Variants in CSRP3 observed in about 807,000 individuals in gnomAD.
CSRP3 encodes the protein cysteine and glycine-rich protein 3.
CSRP3 carries 24 observed loss-of-function variants against 24.3 expected under a neutral mutation model. The observed-to-expected ratio is 0.99, with a 90% confidence interval of 0.71 to 1.39. The LOEUF (loss-of-function observed/expected upper bound fraction) is 1.39, where lower values mean the gene tolerates loss of function less well. CSRP3 is among the 40% of genes most tolerant of loss of function. The pLI is 0.00. For synonymous variants in CSRP3, 105 were observed against 94.0 expected (o/e 1.12, Z -0.68); for missense variants, 240 against 249.0 (o/e 0.96, Z 0.24).
chr11:19,189,308 T>C (rs1415205867), intron 2 of CSRP3, among the ~76,000 whole-genome samples: 1 of 152,170 alleles, frequency 6.6e-6, no homozygotes, highest in Non-Finnish European at 1.5e-5. Flanking sequence ...AGAAATTGCA[T>C]CTCAACAAGA....
At chr11:19,188,690 G>A (rs977353447) in intron 2 of CSRP3, among the ~76,000 whole-genome samples, 2 of 151,590 alleles carry the variant, frequency 1.3e-5, no homozygotes, top group African/African-American at 2.4e-5. Flanking sequence ...GGTTAAGGCA[G>A]GAGAGAAACT....
chr11:19,185,448 G>A (rs9888186), intron 4 of CSRP3, among the ~76,000 whole-genome samples: 15,143 of 152,284 alleles, frequency 0.099, 829 homozygotes, highest in Middle Eastern at 0.13. Flanking sequence ...ATTCAACCTT[G>A]TTTTAACTCT....
chr11:19,185,800 T>A (rs1037134438), intron 4 of CSRP3, among the ~76,000 whole-genome samples: 16 of 152,176 alleles, frequency 1.1e-4, no homozygotes, highest in African/African-American at 3.4e-4. Flanking sequence ...AGGAAGTTCG[T>A]AAGTGAGGAT....
chr11:19,199,140 G>A (rs760084799), intron 1 of CSRP3, among the ~76,000 whole-genome samples: 2 of 151,940 alleles, frequency 1.3e-5, no homozygotes, highest in Non-Finnish European at 2.9e-5. Context: ...GGTGAGAGTC[G>A]GTCCCCTTGC....
In CSRP3 at chr11:19,197,512, T is replaced by C. The variant is rs956226521; in HGVS notation, c.-29+4442A>G. 2.9e-3 allele frequency among the ~76,000 whole-genome samples: 300 copies of C among 102,720 alleles called. 3 individuals are homozygous for C. Among genetic ancestry groups the C allele is most frequent in the African/African-American group, 6.5e-3 (157 of 23,990 alleles). 67.4% of individuals were successfully genotyped at this position (102,720 alleles called of 152,430 possible). Reference sequence around the variant, plus strand: ...CTCTCCCTCTTTTCCTCTTTCTTTCTTTCTTTCTTTCTTTCTTTCTTTCTT... The same window carrying C: ...CTCTCCCTCTTTTCCTCTTTCTTTCCTTCTTTCTTTCTTTCTTTCTTTCTT... On this transcript the variant is annotated intron_variant, in intron 1 of 5. Coordinates refer to ENST00000265968, the MANE Select transcript of CSRP3 (RefSeq NM_003476.5).
At chr11:19,196,210 C>T (rs1272367752) in intron 1 of CSRP3, among the ~76,000 whole-genome samples, 2 of 152,172 alleles carry the variant, frequency 1.3e-5, no homozygotes, top group Non-Finnish European at 2.9e-5. Context: ...TTGCAGTGAG[C>T]TGAGATTGCG....
intron 3 of CSRP3, among the ~76,000 whole-genome samples, chr11:19,186,994 C>T (rs923232011): frequency 6.6e-6 from 1 of 152,176 alleles, no homozygotes; most frequent in Non-Finnish European, 1.5e-5. Context: ...ATAAGGTAGG[C>T]AGGGCTGGTT....
chr11:19,197,946 G>T (rs756993590), intron 1 of CSRP3, among the ~76,000 whole-genome samples: 4 of 152,056 alleles, frequency 2.6e-5, no homozygotes, highest in Non-Finnish European at 5.9e-5. Flanking sequence ...ACCCTTCAAG[G>T]TAGGTGCTAT....
intron 3 of CSRP3, among the ~76,000 whole-genome samples, chr11:19,186,960 T>C (rs112773634): frequency 2.6e-5 from 4 of 152,322 alleles, no homozygotes; most frequent in African/African-American, 9.6e-5. Flanking sequence ...GTATATTATA[T>C]CACTTGAGCT....
In CSRP3 at chr11:19,188,114, G is replaced by A. The variant is rs1850556085; in HGVS notation, c.281+22C>T. 6 of 1,614,102 alleles carry A rather than the reference G, an allele frequency of 3.7e-6. No individual in the cohort carries two copies. In the East Asian group the frequency reaches 6.7e-5, roughly 18 times the overall value. On this transcript the variant is annotated intron_variant, in intron 3 of 5. Transcript: ENST00000265968. ...ATAATTGGAGACTTTAACAGGCAAG[G>A]GGGAGCAGGGCAGTAACTCACTGTT...
Position 19,182,617 on chromosome 11 carries a change from T to C in CSRP3, c.*53A>G. Reference sequence around the variant, plus strand: ...GGGAAAGGTATCGATCTGTGCAGGATTACTTGGCAAGTGTTTTAGGCTCGC... The same window carrying C: ...GGGAAAGGTATCGATCTGTGCAGGACTACTTGGCAAGTGTTTTAGGCTCGC... On this transcript the variant is annotated 3_prime_UTR_variant, in exon 6 of 6. Coordinates refer to ENST00000265968, the MANE Select transcript of CSRP3 (RefSeq NM_003476.5). 2 of 1,392,376 alleles carry C rather than the reference T, an allele frequency of 1.4e-6. No individual in the cohort carries two copies. The highest frequency in any genetic ancestry group is 2.0e-6 in the Non-Finnish European group (2 of 977,284). 86.3% of individuals were successfully genotyped at this position (1,392,376 alleles called of 1,614,324 possible).
intron 1 of CSRP3, among the ~76,000 whole-genome samples, chr11:19,194,302 T>C (rs766876155): frequency 1.3e-5 from 2 of 152,216 alleles, no homozygotes; most frequent in Non-Finnish European, 2.9e-5. Context: ...ACTGTGAGGT[T>C]AGCCAGGAAC....
intron 2 of CSRP3, 147 bp downstream of exon 2, chr11:19,192,190 T>C (rs2133516055): frequency 1.4e-6 from 1 of 706,330 alleles, no homozygotes; most frequent in East Asian, 2.7e-5. Context: ...AAGAGTTAAA[T>C]TTCTAACCAG....
intron 5 of CSRP3, among the ~76,000 whole-genome samples, chr11:19,184,611 T>C (rs1273026400): frequency 6.6e-6 from 1 of 152,120 alleles, no homozygotes; most frequent in Non-Finnish European, 1.5e-5. Flanking sequence ...GGGGGTGTGG[T>C]GTTAGTTGTC....
At chr11:19,200,285 G>A (rs1850814651) in intron 1 of CSRP3, among the ~76,000 whole-genome samples, 1 of 152,194 alleles carries the variant, frequency 6.6e-6, no homozygotes, top group Admixed American at 6.5e-5. Flanking sequence ...TAAGTTAAGT[G>A]ATATTCAGAG....
intron 4 of CSRP3, among the ~76,000 whole-genome samples, chr11:19,185,322 T>C (rs910720532): frequency 9.2e-5 from 14 of 152,178 alleles, no homozygotes; most frequent in Non-Finnish European, 1.8e-4. Flanking sequence ...GCCAAAAAGA[T>C]CCAAGGAACA....
chr11:19,196,030 C>G (rs186568650), intron 1 of CSRP3, among the ~76,000 whole-genome samples: 1 of 152,126 alleles, frequency 6.6e-6, no homozygotes, highest in Admixed American at 6.5e-5. Flanking sequence ...GGACTGAGGC[C>G]GAGGCGAATG....
chr11:19,192,295 G>C (rs1467676597), intron 2 of CSRP3, 42 bp downstream of exon 2: 3 of 1,329,446 alleles, frequency 2.3e-6, no homozygotes, highest in Admixed American at 3.4e-5. Flanking sequence ...TTGTGATGCT[G>C]TCCGGATGCT....
intron 3 of CSRP3, among the ~76,000 whole-genome samples, chr11:19,186,659 T>G (rs1850531512): frequency 6.6e-6 from 1 of 152,244 alleles, no homozygotes; most frequent in African/African-American, 2.4e-5. Flanking sequence ...CTTGTGTTAT[T>G]GTTGTTGTTG....
Sources: gnomAD v4.1 joint callset for allele counts (sites outside exome capture counted in the v4.1 genomes callset) on GRCh38, gnomAD v4.1.1 for gene constraint, MANE v1.5 for transcripts, NCBI Gene and HGNC (gene_info 2026-07-23, HGNC 2026-07-21) for gene names.